The following KATNAL2 variants were observed in gnomAD, a reference collection of about 807,000 sequenced individuals.
The protein encoded by KATNAL2 is katanin p60 ATPase-containing subunit A-like 2.
A neutral mutation model predicts 76.3 loss-of-function variants in KATNAL2; 52 were observed. The ratio of observed to expected loss-of-function variants is 0.68; its 90% CI spans 0.55 to 0.86. KATNAL2 has a LOEUF of 0.86. KATNAL2 is among the 40% of genes least tolerant of loss of function. KATNAL2 has a pLI of 0.00. For synonymous variants in KATNAL2, 243 were observed against 244.2 expected (o/e 1.00, Z 0.05); for missense variants, 660 against 668.9 (o/e 0.99, Z 0.15).
intron 15 of KATNAL2, among the ~76,000 whole-genome samples, chr18:47,089,398 C>T (rs1444558216): frequency 6.6e-6 from 1 of 152,086 alleles, no homozygotes; most frequent in South Asian, 2.1e-4. Flanking sequence ...TATTTTCTGG[C>T]AAGAGTAATT....
intron 3 of KATNAL2, chr18:47,034,495 C>T (rs1197712218): frequency 6.2e-7 from 1 of 1,614,176 alleles, no homozygotes; most frequent in Admixed American, 1.7e-5. Context: ...CTCTCTTAAG[C>T]AGGCCCCGCA....
intron 10 of KATNAL2, among the ~76,000 whole-genome samples, chr18:47,064,273 G>C (rs984027171): frequency 6.6e-6 from 1 of 152,102 alleles, no homozygotes; most frequent in African/African-American, 2.4e-5. Context: ...TGTTAGGAAA[G>C]AAGACAGGAA....
In KATNAL2 at chr18:47,077,456, G is replaced by A. The variant is rs199873111; in HGVS notation, c.1206G>A (p.Leu402=). Reference sequence around the variant, plus strand: ...TATTTGTCTTAGCAGCTTCTAACCTGCCGTGGTAAGAGACCAAGAGAGTAA... The same window carrying A: ...TATTTGTCTTAGCAGCTTCTAACCTACCGTGGTAAGAGACCAAGAGAGTAA... The part of the protein sequence containing the change: ...DLVFVLAASN[L]PWELDCAMLR... The change falls in exon 15 of 18, where the codon CTG becomes CTA. Residue 402 remains leucine, a synonymous_variant. Coordinates refer to ENST00000683218, the MANE Select transcript of KATNAL2 (RefSeq NM_001387690.1). The A allele has an allele frequency of 6.2e-7, 1 of 1,610,154 alleles. No homozygotes were observed. The highest frequency in any genetic ancestry group is 2.2e-5 in the East Asian group (1 of 44,868).
At chr18:47,065,839 G>C (rs1226334095) in intron 10 of KATNAL2, among the ~76,000 whole-genome samples, 1 of 151,958 alleles carries the variant, frequency 6.6e-6, no homozygotes, top group Non-Finnish European at 1.5e-5. Context: ...AAATAGCTGG[G>C]CATGGTGTGT....
At chr18:47,059,749 G>C in intron 8 of KATNAL2, 95 bp downstream of exon 8, 1 of 912,266 alleles carries the variant, frequency 1.1e-6, no homozygotes, top group Non-Finnish European at 1.7e-6. Context: ...AAACAGGAAA[G>C]TTAAGATGTG....
chr18:47,051,252 C>G (rs56299848), intron 4 of KATNAL2, among the ~76,000 whole-genome samples: 1,819 of 151,942 alleles, frequency 0.012, 22 homozygotes, highest in Non-Finnish European at 0.018. Context: ...ACAGCAAGAC[C>G]GCATCTCTAC....
chr18:47,038,604 A>C (rs2060858521), intron 3 of KATNAL2, among the ~76,000 whole-genome samples: 1 of 152,236 alleles, frequency 6.6e-6, no homozygotes, highest in Admixed American at 6.5e-5. Context: ...TTTGCTCTGC[A>C]AAAGGGTTGT....
chr18:46,941,985 A>G (rs998803539), intron 1 of KATNAL2, among the ~76,000 whole-genome samples: 1 of 152,136 alleles, frequency 6.6e-6, no homozygotes, highest in Non-Finnish European at 1.5e-5. Context: ...CACAGGCTAA[A>G]CTAATTCCGA....
chr18:47,093,031 G>A (rs1230606454), intron 15 of KATNAL2, among the ~76,000 whole-genome samples: 2 of 152,094 alleles, frequency 1.3e-5, no homozygotes, highest in Admixed American at 6.6e-5. Flanking sequence ...GTCTTACATT[G>A]CTGTTGAGAA....
chr18:46,921,983 C>G (rs2058570650), intron 1 of KATNAL2, among the ~76,000 whole-genome samples: 1 of 152,010 alleles, frequency 6.6e-6, no homozygotes, highest in Admixed American at 6.6e-5. Context: ...AAGCATATAT[C>G]TATTTATATC....
chr18:46,961,253 TC>T (rs2059935726), intron 3 of KATNAL2, among the ~76,000 whole-genome samples: 1 of 133,112 alleles, frequency 7.5e-6, no homozygotes, highest in African/African-American at 2.8e-5. Flanking sequence ...CTCCCTTTCC[TC>T]ACGTCTTAAA....
intron 13 of KATNAL2, among the ~76,000 whole-genome samples, chr18:47,072,044 A>C (rs2062028356): frequency 8.1e-6 from 1 of 123,542 alleles, no homozygotes; most frequent in Admixed American, 1.1e-4. Context: ...ATTCTCGGCT[A>C]ACTGCAACCT....
intron 1 of KATNAL2, among the ~76,000 whole-genome samples, chr18:46,933,909 G>GTC (rs2059011576): frequency 6.8e-6 from 1 of 147,708 alleles, no homozygotes. Flanking sequence ...TTGGTTTTTT[G>GTC]TCCTTGCGAT....
chr18:47,061,864 A>T (rs1031349862), intron 8 of KATNAL2, among the ~76,000 whole-genome samples: 36 of 123,372 alleles, frequency 2.9e-4, no homozygotes, highest in East Asian at 1.9e-3. Context: ...TATTATTATT[A>T]TTTTTTTTTT....
chr18:47,049,994 A>G (rs542315140), intron 4 of KATNAL2, among the ~76,000 whole-genome samples: 1 of 152,176 alleles, frequency 6.6e-6, no homozygotes, highest in African/African-American at 2.4e-5. Context: ...CAGCCTCCCA[A>G]TTAGCTCAAC....
At chr18:47,042,954 G>A (rs1299269330) in intron 3 of KATNAL2, among the ~76,000 whole-genome samples, 4 of 152,162 alleles carry the variant, frequency 2.6e-5, no homozygotes, top group East Asian at 3.9e-4. Context: ...TAGGCTGGGC[G>A]CGGTGGCTCA....
At chr18:46,945,165 T>C (rs2059351586) in intron 1 of KATNAL2, among the ~76,000 whole-genome samples, 2 of 152,256 alleles carry the variant, frequency 1.3e-5, no homozygotes, top group South Asian at 4.1e-4. Flanking sequence ...CCCTCATTAA[T>C]GAGTTAGGCA....
intron 7 of KATNAL2, 78 bp downstream of exon 7, chr18:47,058,430 T>C (rs1599700158): frequency 2.4e-6 from 2 of 845,134 alleles, no homozygotes; most frequent in East Asian, 5.0e-5. Flanking sequence ...CACATTTATT[T>C]ATTTTTTGAG....
At chr18:46,927,666 A>G (rs1410617873) in intron 1 of KATNAL2, among the ~76,000 whole-genome samples, 2 of 152,284 alleles carry the variant, frequency 1.3e-5, no homozygotes, top group African/African-American at 4.8e-5. Context: ...CCTGGATAAT[A>G]TCCTGCAGAG....
Sources: gnomAD v4.1 joint callset for allele counts (sites outside exome capture counted in the v4.1 genomes callset) on GRCh38, gnomAD v4.1.1 for gene constraint, MANE v1.5 for transcripts, NCBI Gene and HGNC (gene_info 2026-07-23, HGNC 2026-07-21) for gene names.